The following C12orf42 variants were observed in gnomAD, a reference collection of about 807,000 sequenced individuals.
C12orf42 encodes uncharacterized protein C12orf42.
Under a neutral mutation model 21.6 loss-of-function variants are expected in C12orf42, and 25 were observed. The ratio of observed to expected loss-of-function variants is 1.16; its 90% confidence interval spans 0.84 to 1.62. C12orf42 has a LOEUF of 1.62. C12orf42 is among the 40% of genes most tolerant of loss of function. The pLI, the probability that C12orf42 is intolerant of heterozygous loss-of-function variation, is 0.00. For missense variants in C12orf42, 483 were observed against 459.3 expected, an observed-to-expected ratio of 1.05 and a Z score of -0.47; for synonymous variants, 174 against 175.0, an observed-to-expected ratio of 0.99 and a Z score of 0.05.
chr12:103,541,884 G>A, the C12orf42 span, among the ~76,000 whole-genome samples: 3 of 152,068 alleles, frequency 2.0e-5, no homozygotes, highest in African/African-American at 7.2e-5. Flanking sequence ...CTATGAAGGT[G>A]GAAAATCAGT....
the C12orf42 span, chr12:103,081,360 C>A: frequency 1.3e-5 from 2 of 152,198 alleles, no homozygotes; most frequent in Non-Finnish European, 2.9e-5. Flanking sequence ...CTTATCTGAA[C>A]AAATTATTCC....
intron 1 of C12orf42, among the ~76,000 whole-genome samples, chr12:103,489,599 G>T (rs11833847): frequency 4.6e-5 from 7 of 152,140 alleles, no homozygotes; most frequent in Non-Finnish European, 1.0e-4. Flanking sequence ...AGCTATGGTG[G>T]GTTCCCCCAG....
chr12:103,521,954 TA>T, the C12orf42 span, among the ~76,000 whole-genome samples: 1 of 152,214 alleles, frequency 6.6e-6, no homozygotes, highest in African/African-American at 2.4e-5. Context: ...CATTAATGGA[TA>T]ACCAGACCTG....
the C12orf42 span, among the ~76,000 whole-genome samples, chr12:103,111,583 G>A: frequency 6.6e-6 from 1 of 152,208 alleles, no homozygotes; most frequent in African/African-American, 2.4e-5. Flanking sequence ...TGGCCCTTGA[G>A]AAATGGTAGA....
At chr12:103,433,131 A>T (rs139306757) in intron 2 of C12orf42, among the ~76,000 whole-genome samples, 1 of 152,324 alleles carries the variant, frequency 6.6e-6, no homozygotes, top group South Asian at 2.1e-4. Context: ...ATATAGATAC[A>T]TTTGCGGTTG....
the C12orf42 span, among the ~76,000 whole-genome samples, chr12:103,176,139 G>T: frequency 6.6e-6 from 1 of 151,934 alleles, no homozygotes; most frequent in Admixed American, 6.6e-5. Flanking sequence ...TTGCTTACCG[G>T]CTAATTGTTT....
At chr12:103,229,299 T>C in the C12orf42 span, among the ~76,000 whole-genome samples, 1 of 152,332 alleles carries the variant, frequency 6.6e-6, no homozygotes, top group Admixed American at 6.5e-5. Context: ...AGGAAATGTA[T>C]TATTTCACAT....
the C12orf42 span, among the ~76,000 whole-genome samples, chr12:103,159,070 C>T: frequency 1.3e-5 from 2 of 152,080 alleles, no homozygotes; most frequent in Non-Finnish European, 2.9e-5. Context: ...GTGGAACTCT[C>T]GACAGAACTT....
At chr12:103,505,147 C>T in the C12orf42 span, among the ~76,000 whole-genome samples, 1 of 152,192 alleles carries the variant, frequency 6.6e-6, no homozygotes, top group African/African-American at 2.4e-5. Context: ...TAGAGTTTCT[C>T]AGTCCACTTT....
At chr12:103,483,996 CT>C (rs1954651835) in intron 1 of C12orf42, among the ~76,000 whole-genome samples, 1 of 152,104 alleles carries the variant, frequency 6.6e-6, no homozygotes, top group Admixed American at 6.5e-5. Context: ...TGAACTCATC[CT>C]TTTTTATGGC....
At chr12:103,253,586 C>T (rs2034411864) in intron 10 of C12orf42, among the ~76,000 whole-genome samples, 1 of 152,132 alleles carries the variant, frequency 6.6e-6, no homozygotes, top group Admixed American at 6.6e-5. Context: ...TGGGACTTCA[C>T]TCATGATTTG....
At chr12:103,292,071 G>T (rs2036863382) in intron 4 of C12orf42, among the ~76,000 whole-genome samples, 2 of 152,104 alleles carry the variant, frequency 1.3e-5, no homozygotes. Context: ...CCATACAGTA[G>T]AATATTATTT....
the C12orf42 span, among the ~76,000 whole-genome samples, chr12:103,508,231 G>A: frequency 2.2e-3 from 331 of 152,242 alleles, 1 homozygote; most frequent in African/African-American, 7.5e-3. Flanking sequence ...ACATTTAAAG[G>A]TTGTGAAAGT....
the C12orf42 span, among the ~76,000 whole-genome samples, chr12:103,225,039 A>G: frequency 6.6e-6 from 1 of 152,214 alleles, no homozygotes; most frequent in East Asian, 1.9e-4. Context: ...CTGTCTATGA[A>G]GCCTTGCGGC....
chr12:103,064,881 T>C, the C12orf42 span, among the ~76,000 whole-genome samples: 4 of 151,948 alleles, frequency 2.6e-5, no homozygotes, highest in Non-Finnish European at 5.9e-5. Flanking sequence ...ATTAATGGAG[T>C]TTTAGCTCAG....
chr12:103,334,192 T>C (rs1377809764), intron 4 of C12orf42, among the ~76,000 whole-genome samples: 1 of 152,174 alleles, frequency 6.6e-6, no homozygotes, highest in Non-Finnish European at 1.5e-5. Context: ...TCAGAACCTC[T>C]GAAGAACAAA....
chr12:103,317,746 G>A (rs2039660631), intron 4 of C12orf42, among the ~76,000 whole-genome samples: 1 of 151,704 alleles, frequency 6.6e-6, no homozygotes, highest in Non-Finnish European at 1.5e-5. Flanking sequence ...ACTTCATTTA[G>A]TTATTTTTTG....
intron 2 of C12orf42, among the ~76,000 whole-genome samples, chr12:103,415,784 A>T (rs2049267152): frequency 6.6e-6 from 1 of 152,214 alleles, no homozygotes; most frequent in Non-Finnish European, 1.5e-5. Flanking sequence ...AATTAGGGAC[A>T]GAACACAATA....
chr12:103,268,201 C>T (rs528626646), downstream of C12orf42: 14 of 151,836 alleles, frequency 9.2e-5, no homozygotes, highest in East Asian at 1.9e-4. Context: ...TCCCCCTACA[C>T]GCAATTAAAT....
Sources: allele counts gnomAD v4.1 joint callset (sites outside exome capture counted in the v4.1 genomes callset), GRCh38; gene constraint gnomAD v4.1.1; transcripts MANE v1.5; gene names NCBI Gene and HGNC (gene_info 2026-07-23, HGNC 2026-07-21).